CTNND2: variants seen among roughly 807,000 people sequenced by gnomAD.
CTNND2 encodes catenin delta 2, also known as catenin delta-2.
A neutral mutation model predicts 144.4 loss-of-function variants in CTNND2; 22 were observed. The observed-to-expected ratio is 0.15, with a 90% confidence interval of 0.11 to 0.22. The LOEUF is 0.22. Ranked by LOEUF, CTNND2 falls within the 10% of genes least tolerant of loss-of-function variation. The pLI, the probability that CTNND2 is intolerant of heterozygous loss-of-function variation, is 1.00. For synonymous variants in CTNND2, 751 were observed against 695.6 expected, an observed-to-expected ratio of 1.08 and a Z score of -1.25; for missense variants, 1,353 against 1,618.8, an observed-to-expected ratio of 0.84 and a Z score of 2.82.
chr5:11,186,445 C>G (rs1735635360), intron 11 of CTNND2, among the ~76,000 whole-genome samples: 1 of 152,222 alleles, frequency 6.6e-6, no homozygotes, highest in Non-Finnish European at 1.5e-5. Context: ...CTTATTTTCT[C>G]TCTCACTTGA....
chr5:11,261,901 C>T (rs1183109041), intron 9 of CTNND2, among the ~76,000 whole-genome samples: 2 of 152,104 alleles, frequency 1.3e-5, no homozygotes, highest in Non-Finnish European at 2.9e-5. Context: ...GACTACTCAG[C>T]CCAGTGGTGT....
intron 1 of CTNND2, among the ~76,000 whole-genome samples, chr5:11,796,368 A>G (rs1305275171): frequency 6.6e-6 from 1 of 152,208 alleles, no homozygotes; most frequent in Non-Finnish European, 1.5e-5. Context: ...TTACTTCCCT[A>G]GAAACTACTT....
intron 16 of CTNND2, among the ~76,000 whole-genome samples, chr5:11,033,775 A>T (rs1356018652): frequency 6.6e-6 from 1 of 152,214 alleles, no homozygotes; most frequent in African/African-American, 2.4e-5. Flanking sequence ...GGTTGCAGTG[A>T]GCTGAGATCA....
intron 1 of CTNND2, among the ~76,000 whole-genome samples, chr5:11,817,569 G>T (rs554201400): frequency 4.4e-4 from 67 of 152,084 alleles, no homozygotes; most frequent in African/African-American, 1.4e-3. Flanking sequence ...GGTAGTGAAG[G>T]GGGGAAGCGG....
At chr5:11,449,724 A>C (rs1221184887) in intron 3 of CTNND2, among the ~76,000 whole-genome samples, 1 of 152,230 alleles carries the variant, frequency 6.6e-6, no homozygotes, top group Non-Finnish European at 1.5e-5. Flanking sequence ...TTTCTATATG[A>C]AATTTTATAA....
intron 2 of CTNND2, among the ~76,000 whole-genome samples, chr5:11,569,390 T>C (rs1777382844): frequency 1.3e-5 from 2 of 152,214 alleles, no homozygotes; most frequent in African/African-American, 4.8e-5. Context: ...AATGGTTTCA[T>C]CCTAGAATAG....
intron 1 of CTNND2, among the ~76,000 whole-genome samples, chr5:11,783,091 A>C (rs114723361): frequency 0.022 from 3,300 of 152,212 alleles, 103 homozygotes; most frequent in African/African-American, 0.076. Flanking sequence ...GAAGAGGCTC[A>C]TGGAGGGGCA....
At position 11,682,927 on chromosome 5, in the gene CTNND2, T is replaced by A. The variant is rs80295768; in HGVS notation, c.174+49209A>T. 1.4e-4 allele frequency among the ~76,000 whole-genome samples: 22 copies of A among 152,318 alleles called. 1 individual carries two copies. The East Asian group carries it at 3.9e-3, about 27-fold the overall frequency. The stretch of plus-strand genomic sequence containing the variant: ...GAATGAGGAGGAAAAGGTGGAGGAA[T>A]TAGAATTTGCAAACTCACTGTGTAG... On this transcript the variant is annotated intron_variant, in intron 2 of 21. Transcript: ENST00000304623.
intron 2 of CTNND2, among the ~76,000 whole-genome samples, chr5:11,620,220 G>C (rs1191566651): frequency 6.6e-6 from 1 of 152,078 alleles, no homozygotes; most frequent in Non-Finnish European, 1.5e-5. Flanking sequence ...TGACCTGGAA[G>C]GGACAGCTCC....
At chr5:11,002,413 T>G (rs1740048634) in intron 18 of CTNND2, among the ~76,000 whole-genome samples, 1 of 152,240 alleles carries the variant, frequency 6.6e-6, no homozygotes, top group Admixed American at 6.5e-5. Flanking sequence ...ACCCTACTTC[T>G]GCTGAATCAC....
chr5:11,663,645 T>G (rs985121147), intron 2 of CTNND2, among the ~76,000 whole-genome samples: 1 of 152,124 alleles, frequency 6.6e-6, no homozygotes, highest in African/African-American at 2.4e-5. Context: ...AACAAGAGAC[T>G]AATAAAGCCA....
intron 1 of CTNND2, among the ~76,000 whole-genome samples, chr5:11,810,562 T>C (rs1251440103): frequency 1.3e-5 from 2 of 152,220 alleles, no homozygotes; most frequent in Non-Finnish European, 2.9e-5. Context: ...AATGATCACG[T>C]TTTCCTCTTA....
chr5:11,479,306 A>G (rs993042781), intron 3 of CTNND2, among the ~76,000 whole-genome samples: 1 of 152,178 alleles, frequency 6.6e-6, no homozygotes, highest in Middle Eastern at 3.2e-3. Context: ...AGCTCCATCC[A>G]TGTTCTGGCA....
In CTNND2 at chr5:11,384,608, T is replaced by C; in HGVS notation, c.1177+57A>G. Reference sequence around the variant, plus strand: ...GCTTCTGCTCAAGCCGGGCTGCTGCTTCCGCGTCCCCGCCACGCGCCCAGG... The same window carrying C: ...GCTTCTGCTCAAGCCGGGCTGCTGCCTCCGCGTCCCCGCCACGCGCCCAGG... On this transcript the variant is annotated intron_variant, in intron 7 of 21. Coordinates refer to ENST00000304623, the MANE Select transcript of CTNND2 (RefSeq NM_001332.4). This position sits in a 1 kb window ranked among gnomAD's most constrained non-coding sequence, Gnocchi z 5.2. 1 of 1,511,272 alleles carries C rather than the reference T, an allele frequency of 6.6e-7. No individual in the cohort carries two copies. Among genetic ancestry groups the C allele is most frequent in the Non-Finnish European group, 8.9e-7 (1 of 1,126,974 alleles). 93.6% of individuals were successfully genotyped at this position (1,511,272 alleles called of 1,614,324 possible).
intron 13 of CTNND2, 74 bp downstream of exon 13, chr5:11,117,376 G>T: frequency 8.9e-7 from 1 of 1,120,546 alleles, no homozygotes; most frequent in Non-Finnish European, 1.4e-6. Context: ...GGCTCTCCAG[G>T]GTTGTTAGCT....
intron 1 of CTNND2, among the ~76,000 whole-genome samples, chr5:11,845,238 C>CT (rs1298629066): frequency 6.6e-6 from 1 of 152,080 alleles, no homozygotes; most frequent in African/African-American, 2.4e-5. Context: ...ATCTTGTTTT[C>CT]TTTTTTTATT....
chr5:11,080,114 A>G (rs1749393500), intron 16 of CTNND2, among the ~76,000 whole-genome samples: 1 of 152,234 alleles, frequency 6.6e-6, no homozygotes, highest in Non-Finnish European at 1.5e-5. Context: ...AAGAATTCAA[A>G]CAATTCAACA....
chr5:11,307,367 C>A (rs151319581), intron 9 of CTNND2, among the ~76,000 whole-genome samples: 1 of 150,380 alleles, frequency 6.6e-6, no homozygotes, highest in African/African-American at 2.5e-5. Flanking sequence ...CGTCACAGGG[C>A]GCAATACACA....
intron 16 of CTNND2, among the ~76,000 whole-genome samples, chr5:11,074,920 G>A (rs768376702): frequency 3.3e-5 from 5 of 152,300 alleles, no homozygotes; most frequent in Non-Finnish European, 5.9e-5. Context: ...AGTAAAGGAA[G>A]CTTGAAAGGA....
Sources: allele counts gnomAD v4.1 joint callset (sites outside exome capture counted in the v4.1 genomes callset), GRCh38; gene constraint gnomAD v4.1.1; non-coding constraint Gnocchi (gnomAD v3.1); transcripts MANE v1.5; gene names NCBI Gene and HGNC (gene_info 2026-07-23, HGNC 2026-07-21).